Variants in EXOC6B observed in about 807,000 individuals in gnomAD.
EXOC6B encodes the protein SEC15 homolog B.
EXOC6B carries 54 observed loss-of-function variants against 113.5 expected under a neutral mutation model. The ratio of observed to expected loss-of-function variants is 0.48; its 90% CI spans 0.38 to 0.60. The LOEUF (loss-of-function observed/expected upper bound fraction) is 0.60. Ranked by LOEUF, EXOC6B falls within the 20% of genes least tolerant of loss-of-function variation. The pLI, the probability that EXOC6B is intolerant of heterozygous loss-of-function variation, is 0.00. For synonymous variants in EXOC6B, 357 were observed against 339.0 expected (o/e 1.05, Z -0.58); for missense variants, 797 against 977.5 (o/e 0.82, Z 2.46).
At chr2:72,301,982 T>C (rs899277840) in intron 20 of EXOC6B, among the ~76,000 whole-genome samples, 5 of 152,204 alleles carry the variant, frequency 3.3e-5, no homozygotes, top group African/African-American at 9.6e-5. Context: ...TTTAGTGCTA[T>C]AAATTTCCCT....
At chr2:72,684,953 T>C (rs1558916453) in intron 6 of EXOC6B, among the ~76,000 whole-genome samples, 2 of 152,158 alleles carry the variant, frequency 1.3e-5, no homozygotes, top group East Asian at 1.9e-4. Context: ...CGCTTCAGAT[T>C]TGCGTAGATT....
Position 72,287,779 on chromosome 2 carries a change from T to G in EXOC6B, c.2196+47168A>C, listed in dbSNP as rs188546894. Among the ~76,000 whole-genome samples the G allele has an allele frequency of 1.2e-4, 18 of 152,336 alleles. 1 individual carries two copies. Among genetic ancestry groups the G allele is most frequent in the African/African-American group, 4.1e-4 (17 of 41,594 alleles). On this transcript the variant is annotated intron_variant, in intron 20 of 21. Transcript: ENST00000272427. ...CAGAAGATCTGACTATTCACTTATGTATTAAAGAAATTAAGTCCATAATTA... is the reference window on the plus strand; with the variant it reads ...CAGAAGATCTGACTATTCACTTATGGATTAAAGAAATTAAGTCCATAATTA...
chr2:72,807,966 T>C (rs1169782232), intron 1 of EXOC6B, among the ~76,000 whole-genome samples: 1 of 152,232 alleles, frequency 6.6e-6, no homozygotes, highest in Admixed American at 6.5e-5. Context: ...AACTGGATTG[T>C]CTGTAACACA....
intron 7 of EXOC6B, among the ~76,000 whole-genome samples, chr2:72,568,011 A>G (rs1440042841): frequency 2.0e-5 from 3 of 152,182 alleles, no homozygotes; most frequent in South Asian, 2.1e-4. Flanking sequence ...GGATAGTCAC[A>G]TGGTCTAATG....
chr2:72,435,539 T>A (rs551470801), intron 18 of EXOC6B, among the ~76,000 whole-genome samples: 6 of 152,324 alleles, frequency 3.9e-5, no homozygotes, highest in African/African-American at 1.4e-4. Context: ...TGTGGGACTC[T>A]AAGTCTTCTT....
At chr2:72,766,196 T>C (rs1683051699) in intron 1 of EXOC6B, among the ~76,000 whole-genome samples, 1 of 152,196 alleles carries the variant, frequency 6.6e-6, no homozygotes, top group South Asian at 2.1e-4. Context: ...AAGGCAGTAA[T>C]GAGCCACACC....
chr2:72,488,380 T>G (rs1299445037), intron 16 of EXOC6B, among the ~76,000 whole-genome samples: 2 of 152,150 alleles, frequency 1.3e-5, no homozygotes, highest in African/African-American at 4.8e-5. Flanking sequence ...TCCAGTAGCA[T>G]GAATATAAAT....
chr2:72,355,992 T>C (rs1214276897), intron 19 of EXOC6B, among the ~76,000 whole-genome samples: 1 of 152,202 alleles, frequency 6.6e-6, no homozygotes, highest in Non-Finnish European at 1.5e-5. Flanking sequence ...ATGTCTAAGA[T>C]ATAATTGGTA....
At chr2:72,400,931 C>T (rs1693103024) in intron 18 of EXOC6B, among the ~76,000 whole-genome samples, 1 of 151,982 alleles carries the variant, frequency 6.6e-6, no homozygotes, top group Non-Finnish European at 1.5e-5. Context: ...CCAGCAATCC[C>T]ACTACTGGGT....
chr2:72,508,163 CAAAAAAAA>C (rs67586747), intron 11 of EXOC6B, among the ~76,000 whole-genome samples: 1 of 57,550 alleles, frequency 1.7e-5, no homozygotes, highest in Admixed American at 1.9e-4. Flanking sequence ...ATATTACCCG[CAAAAAAAA>C]AAAAAAAAAA....
At chr2:72,295,378 G>C (rs546842861) in intron 20 of EXOC6B, among the ~76,000 whole-genome samples, 1 of 152,182 alleles carries the variant, frequency 6.6e-6, no homozygotes, top group African/African-American at 2.4e-5. Context: ...AGTTGATTAT[G>C]GAGACTTTTC....
At chr2:72,532,319 A>G (rs1473498367) in intron 8 of EXOC6B, among the ~76,000 whole-genome samples, 1 of 152,188 alleles carries the variant, frequency 6.6e-6, no homozygotes. Flanking sequence ...TTTCCCTACC[A>G]AATTAGCAAA....
chr2:72,588,534 T>C (rs1225541366), intron 6 of EXOC6B, among the ~76,000 whole-genome samples: 4 of 151,976 alleles, frequency 2.6e-5, no homozygotes, highest in Admixed American at 6.6e-5. Flanking sequence ...CAAGGGAATA[T>C]GGGGCGTTAA....
intron 20 of EXOC6B, among the ~76,000 whole-genome samples, chr2:72,237,427 C>G (rs2104492053): frequency 6.6e-6 from 1 of 151,648 alleles, no homozygotes; most frequent in Admixed American, 6.6e-5. Flanking sequence ...TAGAAGAGGG[C>G]AAATATTTCA....
At chr2:72,721,433 G>GA (rs34698268) in intron 5 of EXOC6B, among the ~76,000 whole-genome samples, 86,009 of 105,008 alleles carry the variant, frequency 0.82, 35,054 homozygotes, top group East Asian at 0.95. Context: ...GCCAACATAT[G>GA]AAAAAAAAAA....
At chr2:72,620,522 A>T (rs1024038824) in intron 6 of EXOC6B, among the ~76,000 whole-genome samples, 3 of 151,624 alleles carry the variant, frequency 2.0e-5, no homozygotes. Context: ...TTTTAAATTT[A>T]AATTTAAAAG....
At chr2:72,518,830 CA>C (rs752754358) in intron 8 of EXOC6B, among the ~76,000 whole-genome samples, 13 of 151,866 alleles carry the variant, frequency 8.6e-5, no homozygotes, top group Non-Finnish European at 1.8e-4. Flanking sequence ...AGTTGTACTG[CA>C]GAGAGTAAAG....
At chr2:72,524,717 C>T (rs1419117335) in intron 8 of EXOC6B, among the ~76,000 whole-genome samples, 1 of 152,150 alleles carries the variant, frequency 6.6e-6, no homozygotes, top group African/African-American at 2.4e-5. Context: ...CAAAACATCT[C>T]ATGTACCCCA....
chr2:72,180,878 G>A (rs1278878835), intron 21 of EXOC6B, among the ~76,000 whole-genome samples: 1 of 152,220 alleles, frequency 6.6e-6, no homozygotes, highest in African/African-American at 2.4e-5. Context: ...CACCACAGCT[G>A]TATGGCTCTG....
Sources: allele counts gnomAD v4.1 joint callset (sites outside exome capture counted in the v4.1 genomes callset), GRCh38; gene constraint gnomAD v4.1.1; transcripts MANE v1.5; gene names NCBI Gene and HGNC (gene_info 2026-07-23, HGNC 2026-07-21).